Variants in SRD5A2 observed in about 807,000 individuals in gnomAD.
The protein encoded by SRD5A2 is 3-oxo-5-alpha-steroid 4-dehydrogenase 2.
Under a neutral mutation model 27.4 loss-of-function variants are expected in SRD5A2, and 30 were observed. The observed-to-expected ratio is 1.10, with a 90% confidence interval of 0.82 to 1.49. SRD5A2 has a LOEUF of 1.49. SRD5A2 is among the 40% of genes most tolerant of loss of function. The probability of loss-of-function intolerance (pLI) is 0.00; values close to 1 mark genes in which losing one functional copy is unlikely to be tolerated. For missense variants in SRD5A2, 348 were observed against 323.4 expected, an observed-to-expected ratio of 1.08 and a Z score of -0.58; for synonymous variants, 141 against 133.6, an observed-to-expected ratio of 1.06 and a Z score of -0.38.
intron 1 of SRD5A2, among the ~76,000 whole-genome samples, chr2:31,540,367 C>A (rs986565031): frequency 5.3e-5 from 8 of 152,184 alleles, no homozygotes; most frequent in Non-Finnish European, 7.4e-5. Context: ...TAATTCAAAT[C>A]ATTGTAAAGA....
At chr2:31,574,793 C>A (rs4952222) in intron 1 of SRD5A2, among the ~76,000 whole-genome samples, 7,286 of 152,314 alleles carry the variant, frequency 0.048, 265 homozygotes, top group Admixed American at 0.12. Flanking sequence ...GAATGTAAAG[C>A]CACGCCATTC....
chr2:31,599,257 A>G, the SRD5A2 span, among the ~76,000 whole-genome samples: 809 of 152,146 alleles, frequency 5.3e-3, 9 homozygotes, highest in African/African-American at 0.019. Flanking sequence ...TATCTTCCAG[A>G]CAGAAAATCA....
intron 1 of SRD5A2, among the ~76,000 whole-genome samples, chr2:31,569,677 C>CA (rs11421066): frequency 0.16 from 21,615 of 138,446 alleles, 1,665 homozygotes; most frequent in African/African-American, 0.22. Context: ...AAACAAAAAA[C>CA]AAAAAAAAAA....
At chr2:31,592,783 A>G in the SRD5A2 span, among the ~76,000 whole-genome samples, 5 of 152,208 alleles carry the variant, frequency 3.3e-5, no homozygotes, top group Non-Finnish European at 7.4e-5. Flanking sequence ...AGATTCCATA[A>G]CACCCCCAAA....
At chr2:31,634,976 T>C in the SRD5A2 span, among the ~76,000 whole-genome samples, 2 of 152,312 alleles carry the variant, frequency 1.3e-5, no homozygotes, top group East Asian at 1.9e-4. Context: ...ATATTGTGAA[T>C]AGTGCTTCAA....
chr2:31,582,029 G>A (rs1421678043), upstream of SRD5A2, among the ~76,000 whole-genome samples: 3 of 151,820 alleles, frequency 2.0e-5, no homozygotes, highest in African/African-American at 7.3e-5. Context: ...TCTTCGACCC[G>A]GCTTTCTCCT....
chr2:31,562,334 G>C (rs772680352), intron 1 of SRD5A2, among the ~76,000 whole-genome samples: 1 of 152,014 alleles, frequency 6.6e-6, no homozygotes, highest in Non-Finnish European at 1.5e-5. Flanking sequence ...AATCACATTA[G>C]GGTAAAATGG....
rs777069397 is a variant in SRD5A2 at position 31,525,508 on chromosome 2, T to C, written c.*688A>G. 2 of 225,050 alleles carry C rather than the reference T, an allele frequency of 8.9e-6. No individual in the cohort carries two copies. Among genetic ancestry groups the C allele is most frequent in the Admixed American group, 5.7e-5 (1 of 17,486 alleles). The allele number at this position is 225,050 out of a possible 1,614,324, so 13.9% of individuals were successfully genotyped here. A position where few individuals can be genotyped will look rare whatever the true frequency, so the allele number is the denominator to read the frequency against. ...AAAACCTGGCCTTCAAGAATAGCCA[T>C]ACCAGTTTTCCGGGGATTGTGAAAT... On this transcript the variant is annotated 3_prime_UTR_variant, in exon 5 of 5. Transcript: ENST00000622030.
the SRD5A2 span, among the ~76,000 whole-genome samples, chr2:31,630,285 G>A: frequency 6.6e-6 from 1 of 151,838 alleles, no homozygotes; most frequent in Non-Finnish European, 1.5e-5. Context: ...AGTAAGTCAA[G>A]GAGGGAAGAT....
the SRD5A2 span, among the ~76,000 whole-genome samples, chr2:31,602,192 CT>C: frequency 6.6e-6 from 1 of 152,100 alleles, no homozygotes; most frequent in African/African-American, 2.4e-5. Context: ...GCTTCTTAAG[CT>C]GATAGCAACT....
At chr2:31,557,232 G>C (rs1232447797) in intron 1 of SRD5A2, among the ~76,000 whole-genome samples, 1 of 152,220 alleles carries the variant, frequency 6.6e-6, no homozygotes, top group East Asian at 1.9e-4. Context: ...TCACCCTGAA[G>C]ACAAATTAAT....
the SRD5A2 span, among the ~76,000 whole-genome samples, chr2:31,633,126 T>C: frequency 8.5e-5 from 13 of 152,098 alleles, no homozygotes; most frequent in African/African-American, 3.1e-4. Flanking sequence ...GAAATGTTTA[T>C]AGAAGGACCC....
At chr2:31,657,908 T>C in the SRD5A2 span, among the ~76,000 whole-genome samples, 1 of 151,634 alleles carries the variant, frequency 6.6e-6, no homozygotes, top group Admixed American at 6.6e-5. Flanking sequence ...AGGAGAGAAC[T>C]TAGAAGAAAT....
At chr2:31,661,250 T>A in the SRD5A2 span, among the ~76,000 whole-genome samples, 1 of 152,284 alleles carries the variant, frequency 6.6e-6, no homozygotes, top group Admixed American at 6.5e-5. Context: ...AGCTCTTAGA[T>A]TCCTACTCAT....
At position 31,525,055 on chromosome 2, in the gene SRD5A2, A is replaced by C. The variant is rs1194159869; in HGVS notation, c.*1141T>G. The C allele has an allele frequency of 9.2e-6, 2 of 217,542 alleles. No homozygotes were observed. Among genetic ancestry groups the C allele is most frequent in the Non-Finnish European group, 1.8e-5 (2 of 108,264 alleles). The allele number at this position is 217,542 out of a possible 1,614,324, so 13.5% of individuals were successfully genotyped here. A position where few individuals can be genotyped will look rare whatever the true frequency, so the allele number is the denominator to read the frequency against. On this transcript the variant is annotated 3_prime_UTR_variant, in exon 5 of 5. Coordinates refer to ENST00000622030, the MANE Select transcript of SRD5A2 (RefSeq NM_000348.4). ...TTTTGAAACTTTGTAAAAAAAAAAA[A>C]AACTATATGTCTGAGCCAAACAAAA...
chr2:31,540,925 A>T (rs964206425), intron 1 of SRD5A2, among the ~76,000 whole-genome samples: 1 of 152,238 alleles, frequency 6.6e-6, no homozygotes, highest in Non-Finnish European at 1.5e-5. Context: ...AGAGGTACAG[A>T]CAAAGAGGTG....
intron 4 of SRD5A2, among the ~76,000 whole-genome samples, chr2:31,529,105 T>A (rs1192599796): frequency 1.3e-5 from 2 of 152,218 alleles, no homozygotes; most frequent in Non-Finnish European, 2.9e-5. Context: ...AGAAAAAATT[T>A]TATTACTGCT....
the SRD5A2 span, among the ~76,000 whole-genome samples, chr2:31,599,946 T>TTAATTAATAATTA: frequency 1.2e-3 from 186 of 151,814 alleles, 4 homozygotes; most frequent in East Asian, 0.031. Context: ...TTAAGCCTAC[T>TTAATTAATAATTA]ACCCATTAGT....
intron 1 of SRD5A2, among the ~76,000 whole-genome samples, chr2:31,573,147 C>T (rs1037799734): frequency 6.6e-6 from 1 of 152,190 alleles, no homozygotes; most frequent in Non-Finnish European, 1.5e-5. Flanking sequence ...CCCATCTTCA[C>T]TCCCACTCAC....
Sources: gnomAD v4.1 joint callset for allele counts (sites outside exome capture counted in the v4.1 genomes callset) on GRCh38, gnomAD v4.1.1 for gene constraint, MANE v1.5 for transcripts, NCBI Gene and HGNC (gene_info 2026-07-23, HGNC 2026-07-21) for gene names.